Variants in ARHGAP23 observed in about 807,000 individuals in gnomAD.
ARHGAP23 encodes the protein Rho GTPase activating protein 23, also known as rho GTPase-activating protein 23.
A neutral mutation model predicts 136.3 loss-of-function variants in ARHGAP23; 34 were observed. The ratio of observed to expected loss-of-function variants is 0.25; its 90% CI spans 0.19 to 0.33. The LOEUF is 0.33. Among genes scored for constraint, ARHGAP23 ranks in the 10% least tolerant of loss-of-function variants. The probability of loss-of-function intolerance (pLI) is 1.00; values close to 1 mark genes in which losing one functional copy is unlikely to be tolerated. For missense variants in ARHGAP23, 1,808 were observed against 2,139.0 expected, an observed-to-expected ratio of 0.85 and a Z score of 3.05; for synonymous variants, 832 against 920.5, an observed-to-expected ratio of 0.90 and a Z score of 1.74.
intron 20 of ARHGAP23, among the ~76,000 whole-genome samples, chr17:38,494,127 A>G (rs556039934): frequency 9.2e-5 from 14 of 152,170 alleles, no homozygotes; most frequent in Non-Finnish European, 5.9e-5. Flanking sequence ...GACATTGCCA[A>G]GTGCCCACTG....
chr17:38,486,832 G>T (rs889776351), intron 17 of ARHGAP23, among the ~76,000 whole-genome samples: 1 of 152,222 alleles, frequency 6.6e-6, no homozygotes, highest in Non-Finnish European at 1.5e-5. Flanking sequence ...CACCCCAGGC[G>T]TCGGGCACCG....
chr17:38,441,062 T>G (rs2038909355), intron 1 of ARHGAP23, among the ~76,000 whole-genome samples: 1 of 152,218 alleles, frequency 6.6e-6, no homozygotes, highest in Non-Finnish European at 1.5e-5. Flanking sequence ...GGCCCTGGGT[T>G]GTGCTGCAGG....
chr17:38,490,757 C>T (rs2040260204), intron 19 of ARHGAP23, among the ~76,000 whole-genome samples: 1 of 152,198 alleles, frequency 6.6e-6, no homozygotes, highest in Non-Finnish European at 1.5e-5. Context: ...TTTCTGAGGG[C>T]TTTCCAGAGG....
At chr17:38,478,460 G>A (rs11656876) in intron 12 of ARHGAP23, among the ~76,000 whole-genome samples, 41,295 of 150,468 alleles carry the variant, frequency 0.27, 6,103 homozygotes, top group East Asian at 0.37. Context: ...TGTTGCCCAG[G>A]CTGGAGTGCA....
At chr17:38,450,192 C>T (rs1435151196) in intron 1 of ARHGAP23, among the ~76,000 whole-genome samples, 1 of 152,172 alleles carries the variant, frequency 6.6e-6, no homozygotes, top group African/African-American at 2.4e-5. Context: ...TTGGGGATCC[C>T]TAAAGGTTTC....
At chr17:38,429,027 C>T (rs372722655) in intron 1 of ARHGAP23, among the ~76,000 whole-genome samples, 4 of 152,206 alleles carry the variant, frequency 2.6e-5, no homozygotes, top group African/African-American at 9.6e-5. Context: ...CGTCCGGACA[C>T]CCCCTCCCCG....
chr17:38,466,900 C>G lies in ARHGAP23; in HGVS notation c.1217C>G (p.Ser406Cys). The G allele has an allele frequency of 1.9e-6, 3 of 1,550,386 alleles. No homozygotes were observed. The highest frequency in any genetic ancestry group is 3.3e-4 in the Middle Eastern group (2 of 5,992). The change falls in exon 7 of 24, where the codon TCT (serine) becomes TGT (cysteine). Residue 406 changes from serine (S) to cysteine (C), a missense_variant. Coordinates refer to ENST00000622683, the MANE Select transcript of ARHGAP23 (RefSeq NM_001199417.2). ...DLPGPQAPPP[S>C]GLQGLDDLGY... Reference sequence around the variant, plus strand: ...CCAGGGCCCCAGGCCCCACCCCCGTCTGGCCTGCAGGGCCTGGATGACCTC... The same window carrying G: ...CCAGGGCCCCAGGCCCCACCCCCGTGTGGCCTGCAGGGCCTGGATGACCTC...
chr17:38,476,588 G>A (rs543129909), intron 11 of ARHGAP23, among the ~76,000 whole-genome samples: 2 of 152,306 alleles, frequency 1.3e-5, no homozygotes, highest in African/African-American at 4.8e-5. Flanking sequence ...CGCTGGGCTT[G>A]GGAATGGCCA....
Position 38,479,419 on chromosome 17 carries a change from C to T in ARHGAP23, c.2437-17C>T, listed in dbSNP as rs1363857886. ...TGTGGGCACTGACATGATCCGCTCTCTCCTCTCCTGCTTCAGGACCCCGGC... is the reference window on the plus strand; with the variant it reads ...TGTGGGCACTGACATGATCCGCTCTTTCCTCTCCTGCTTCAGGACCCCGGC... On this transcript the variant is annotated splice_polypyrimidine_tract_variant and intron_variant, in intron 12 of 23. Transcript: ENST00000622683. 5.2e-6 allele frequency: 8 copies of T among 1,539,844 alleles called. No individual in the cohort carries two copies. In the South Asian group the frequency reaches 8.4e-5, roughly 16 times the overall value.
chr17:38,445,208 T>C (rs2039005529), intron 1 of ARHGAP23, among the ~76,000 whole-genome samples: 1 of 150,368 alleles, frequency 6.7e-6, no homozygotes, highest in Non-Finnish European at 1.5e-5. Flanking sequence ...GGCTCACGCC[T>C]GTAATCCCAG....
At chr17:38,490,677 A>G (rs1269680168) in intron 19 of ARHGAP23, 126 bp downstream of exon 19, 5 of 759,640 alleles carry the variant, frequency 6.6e-6, no homozygotes, top group Non-Finnish European at 1.2e-5. Context: ...CCCTCCTCCT[A>G]TGACTGCTCC....
chr17:38,474,120 T>C (rs1221019848), intron 11 of ARHGAP23, among the ~76,000 whole-genome samples: 2 of 152,048 alleles, frequency 1.3e-5, no homozygotes, highest in African/African-American at 4.8e-5. Context: ...TGGGTTTCAC[T>C]ATGTTGGCCA....
intron 22 of ARHGAP23, chr17:38,499,018 G>C: frequency 1.4e-6 from 1 of 699,544 alleles, no homozygotes; most frequent in African/African-American, 1.7e-5. Flanking sequence ...AGGCTGGGTG[G>C]GCACAGCGGC....
chr17:38,426,572 A>AAAAAAAAAAAAAAAG (rs1567767218), upstream of ARHGAP23, among the ~76,000 whole-genome samples: 2 of 149,280 alleles, frequency 1.3e-5, no homozygotes, highest in African/African-American at 5.0e-5. Context: ...AAAAAAAAAA[A>AAAAAAAAAAAAAAAG]TCCAGGCAGT....
chr17:38,439,183 A>AG (rs2038867718), intron 1 of ARHGAP23, among the ~76,000 whole-genome samples: 1 of 151,980 alleles, frequency 6.6e-6, no homozygotes, highest in Non-Finnish European at 1.5e-5. Flanking sequence ...GTCTAAAAAA[A>AG]AAAAAAAGAG....
rs540689269 is a variant in ARHGAP23 at position 38,431,850 on chromosome 17, T to G, written c.63+3302T>G. Among the ~76,000 whole-genome samples the G allele has an allele frequency of 2.0e-5, 3 of 152,310 alleles. No individual in the cohort carries two copies. In the East Asian group the frequency reaches 5.8e-4, roughly 29 times the overall value. ...GACTCCCAGCTCCCAGGCCATGCCT[T>G]TCCCTCTGTGGTTGGTTCTGTCCTT... On this transcript the variant is annotated intron_variant, in intron 1 of 23. Transcript: ENST00000622683.
chr17:38,431,647 T>C (rs2038688349), intron 1 of ARHGAP23, among the ~76,000 whole-genome samples: 1 of 152,230 alleles, frequency 6.6e-6, no homozygotes, highest in Non-Finnish European at 1.5e-5. Flanking sequence ...TGAGATGGCC[T>C]TGGGGCTGGA....
At position 38,467,346 on chromosome 17, in the gene ARHGAP23, A is replaced by G. The variant is rs2039634949; in HGVS notation, c.1648+15A>G. The stretch of plus-strand genomic sequence containing the variant: ...CCCCTTTATTGGTGAGTGATGGTAC[A>G]TGTGGCTGTCCTGGGGGACTTAGCT... On this transcript the variant is annotated intron_variant, in intron 7 of 23. Transcript: ENST00000622683. 3 of 1,461,710 alleles carry G rather than the reference A, an allele frequency of 2.1e-6. No homozygotes were observed. Among genetic ancestry groups the G allele is most frequent in the Admixed American group, 2.8e-5 (1 of 36,276 alleles). The allele number at this position is 1,461,710 out of a possible 1,614,324, so 90.5% of individuals were successfully genotyped here.
chr17:38,430,977 C>T (rs2038673579), intron 1 of ARHGAP23, among the ~76,000 whole-genome samples: 1 of 152,110 alleles, frequency 6.6e-6, no homozygotes, highest in Admixed American at 6.6e-5. Context: ...GAGGTAGATA[C>T]CATTATTATC....
Sources: gnomAD v4.1 joint callset for allele counts (sites outside exome capture counted in the v4.1 genomes callset) on GRCh38, gnomAD v4.1.1 for gene constraint, MANE v1.5 for transcripts, NCBI Gene and HGNC (gene_info 2026-07-23, HGNC 2026-07-21) for gene names.